The following AACS variants were observed in gnomAD, a reference collection of about 807,000 sequenced individuals.
AACS encodes the protein acetoacetyl-CoA synthetase.
AACS carries 69 observed loss-of-function variants against 83.1 expected under a neutral mutation model. The ratio of observed to expected loss-of-function variants is 0.83; its 90% CI spans 0.68 to 1.01. The LOEUF (loss-of-function observed/expected upper bound fraction) is 1.01. Among genes scored for constraint, AACS ranks in the 50% least tolerant of loss-of-function variants. The pLI is 0.00. For synonymous variants in AACS, 333 were observed against 343.4 expected (o/e 0.97, Z 0.33); for missense variants, 866 against 882.2 (o/e 0.98, Z 0.23).
At chr12:125,077,727 T>A (rs1956062656) in intron 3 of AACS, among the ~76,000 whole-genome samples, 1 of 152,072 alleles carries the variant, frequency 6.6e-6, no homozygotes. Flanking sequence ...ATTTTTTTTT[T>A]TTTTGAGATA....
Position 125,114,461 on chromosome 12 carries a change from CGT to C in AACS, c.916-13_916-12del. The C allele has an allele frequency of 6.2e-7, 1 of 1,611,104 alleles. No individual in the cohort carries two copies. The highest frequency in any genetic ancestry group is 8.5e-7 in the Non-Finnish European group (1 of 1,178,644). ...GCCTAACAGAGAGCACCCGCTCCCC[CGT>C]GTCTCCCCTGCAGGGCACCCTCATC... On this transcript the variant is annotated splice_polypyrimidine_tract_variant and intron_variant, in intron 8 of 17. Coordinates refer to ENST00000316519, the MANE Select transcript of AACS (RefSeq NM_023928.5).
At chr12:125,098,787 C>T (rs1956664975) in intron 5 of AACS, among the ~76,000 whole-genome samples, 2 of 152,238 alleles carry the variant, frequency 1.3e-5, no homozygotes, top group Non-Finnish European at 2.9e-5. Context: ...TGGGGTTTAA[C>T]ACCACTATTT....
chr12:125,075,474 T>G (rs1167478146), intron 2 of AACS, among the ~76,000 whole-genome samples: 2 of 151,282 alleles, frequency 1.3e-5, no homozygotes, highest in Admixed American at 1.3e-4. Flanking sequence ...GCATTTTTAG[T>G]AGAGATGGGG....
At chr12:125,128,810 TAGC>T (rs1272812017) in intron 13 of AACS, 1 of 154,422 alleles carries the variant, frequency 6.5e-6, no homozygotes, top group Non-Finnish European at 1.4e-5. Context: ...AGAATGTTTG[TAGC>T]GCCCCATGAT....
chr12:125,076,913 T>A (rs1266567347), intron 3 of AACS, among the ~76,000 whole-genome samples: 1 of 152,076 alleles, frequency 6.6e-6, no homozygotes, highest in African/African-American at 2.4e-5. Flanking sequence ...AAAATAAAGT[T>A]GAGGCTGGGT....
intron 14 of AACS, among the ~76,000 whole-genome samples, chr12:125,133,233 G>A (rs1042271125): frequency 6.6e-6 from 1 of 152,208 alleles, no homozygotes; most frequent in Non-Finnish European, 1.5e-5. Flanking sequence ...TCTCGGCTGT[G>A]TGGCTTCTCT....
chr12:125,083,785 C>G (rs918792995), intron 3 of AACS, among the ~76,000 whole-genome samples: 1 of 152,024 alleles, frequency 6.6e-6, no homozygotes, highest in Non-Finnish European at 1.5e-5. Context: ...TCCTGAGTAG[C>G]TGGGATTACA....
In AACS at chr12:125,075,742, C is replaced by T. The variant is rs749627115; in HGVS notation, c.238-749C>T. On this transcript the variant is annotated intron_variant, in intron 2 of 17. Coordinates refer to ENST00000316519, the MANE Select transcript of AACS (RefSeq NM_023928.5). The stretch of plus-strand genomic sequence containing the variant: ...CCCAGCAGCTGGGACTACAGGCGCA[C>T]GCTGGCATGCCTGGCTAATTTTTGT... Among the ~76,000 whole-genome samples, 187 of 152,080 alleles carry T rather than the reference C, an allele frequency of 1.2e-3. 1 individual carries two copies. The highest frequency in any genetic ancestry group is 1.1e-3 in the Non-Finnish European group (76 of 68,008).
intron 5 of AACS, among the ~76,000 whole-genome samples, chr12:125,098,475 A>G (rs561161906): frequency 6.7e-6 from 1 of 148,922 alleles, no homozygotes; most frequent in Non-Finnish European, 1.5e-5. Context: ...TTTCTGAGAC[A>G]GAGTCTCAGT....
rs2136125536 is a variant in AACS at position 125,124,685 on chromosome 12, C to T, written c.1122-20C>T. 1 of 1,613,102 alleles carries T rather than the reference C, an allele frequency of 6.2e-7. No individual in the cohort carries two copies. Among genetic ancestry groups the T allele is most frequent in the Non-Finnish European group, 8.5e-7 (1 of 1,179,918 alleles). ...AGCCTTGAAGAGTTTCTGGTGTTTT[C>T]TTTCCCGCCTGCACCCTAGCATCAC... On this transcript the variant is annotated intron_variant, in intron 10 of 17. Transcript: ENST00000316519.
chr12:125,068,358 C>G (rs1955761766), intron 1 of AACS, among the ~76,000 whole-genome samples: 1 of 152,182 alleles, frequency 6.6e-6, no homozygotes, highest in Non-Finnish European at 1.5e-5. Flanking sequence ...ACTCTGGAGA[C>G]TAAGGTGGGA....
chr12:125,071,768 CCATTGTG>C (rs1187707163), intron 1 of AACS, among the ~76,000 whole-genome samples: 2 of 152,158 alleles, frequency 1.3e-5, no homozygotes, highest in Non-Finnish European at 2.9e-5. Context: ...TGTCAAGAGG[CCATTGTG>C]GCTGCATCCT....
At chr12:125,120,356 C>T (rs963579760) in intron 10 of AACS, 12 of 152,126 alleles carry the variant, frequency 7.9e-5, no homozygotes, top group Admixed American at 7.2e-4. Context: ...ATGCTCTGTC[C>T]TAATTACATC....
chr12:125,071,513 A>G (rs972974193), intron 1 of AACS, among the ~76,000 whole-genome samples: 14 of 152,320 alleles, frequency 9.2e-5, no homozygotes, highest in African/African-American at 3.4e-4. Flanking sequence ...CACAAGGTGG[A>G]GATGCAAATT....
At chr12:125,099,957 T>C (rs1304998923) in intron 5 of AACS, among the ~76,000 whole-genome samples, 1 of 152,220 alleles carries the variant, frequency 6.6e-6, no homozygotes, top group East Asian at 1.9e-4. Flanking sequence ...ATTACAGGCG[T>C]GAGCCACTGT....
Position 125,115,784 on chromosome 12 carries a change from G to C in AACS, c.996+1227G>C, listed in dbSNP as rs115561181. On this transcript the variant is annotated intron_variant, in intron 9 of 17. Transcript: ENST00000316519. ...TGTCAGACCCCTGGGACTGCACACA[G>C]ATGTAGGAGTGGGGACAGACCCCTG... Among the ~76,000 whole-genome samples, 767 of 152,028 alleles carry C rather than the reference G, an allele frequency of 5.0e-3. 8 individuals are homozygous for C. Among genetic ancestry groups the C allele is most frequent in the African/African-American group, 0.018 (728 of 41,458 alleles).
Position 125,109,773 on chromosome 12 carries a change from C to T in AACS, c.915+2505C>T, listed in dbSNP as rs546630608. The stretch of plus-strand genomic sequence containing the variant: ...TCTGGAGCAGCTCCTTGGGCTTCTT[C>T]GTCTTCCGTGACACTGACATTTTCA... On this transcript the variant is annotated intron_variant, in intron 8 of 17. Coordinates refer to ENST00000316519, the MANE Select transcript of AACS (RefSeq NM_023928.5). Among the ~76,000 whole-genome samples, 15 of 152,266 alleles carry T rather than the reference C, an allele frequency of 9.9e-5. No individual in the cohort carries two copies. The South Asian group carries it at 1.7e-3, about 17-fold the overall frequency.
At chr12:125,111,525 T>A (rs1592984817) in intron 8 of AACS, among the ~76,000 whole-genome samples, 1 of 152,342 alleles carries the variant, frequency 6.6e-6, no homozygotes, top group East Asian at 1.9e-4. Flanking sequence ...TACTCCATCT[T>A]CACTGGGCTC....
intron 2 of AACS, 120 bp from the exon 3 acceptor site, chr12:125,076,371 G>A (rs932254197): frequency 1.4e-6 from 2 of 1,389,004 alleles, no homozygotes; most frequent in Non-Finnish European, 2.0e-6. Context: ...GGGCCAATGA[G>A]TGAGCTGGCT....
Sources: allele counts gnomAD v4.1 joint callset (sites outside exome capture counted in the v4.1 genomes callset), GRCh38; gene constraint gnomAD v4.1.1; transcripts MANE v1.5; gene names NCBI Gene and HGNC (gene_info 2026-07-23, HGNC 2026-07-21).